Variants in PRRX1 observed in about 807,000 individuals in gnomAD.
The protein encoded by PRRX1 is paired mesoderm homeobox protein 1.
In PRRX1, 8 loss-of-function variants were observed where a neutral mutation model predicts 24.0. That is an observed-to-expected ratio of 0.33 (90% confidence interval 0.20 to 0.60). PRRX1 has a LOEUF of 0.60. Ranked by LOEUF, PRRX1 falls within the 20% of genes least tolerant of loss-of-function variation. The pLI, the probability that PRRX1 is intolerant of heterozygous loss-of-function variation, is 0.82. For synonymous variants in PRRX1, 160 were observed against 131.7 expected, an observed-to-expected ratio of 1.22 and a Z score of -1.47; for missense variants, 281 against 322.4, an observed-to-expected ratio of 0.87 and a Z score of 0.98.
intron 1 of PRRX1, among the ~76,000 whole-genome samples, chr1:170,697,658 A>G (rs1275792357): frequency 6.7e-6 from 1 of 148,456 alleles, no homozygotes; most frequent in African/African-American, 2.4e-5. Context: ...GTATCTGTAA[A>G]TATACATATA....
At chr1:170,733,864 A>C (rs1655520830) in intron 3 of PRRX1, among the ~76,000 whole-genome samples, 1 of 152,116 alleles carries the variant, frequency 6.6e-6, no homozygotes, top group African/African-American at 2.4e-5. Context: ...TGGAACTGTG[A>C]ACTAAATGAT....
chr1:170,699,636 A>G (rs1251955461), intron 1 of PRRX1, among the ~76,000 whole-genome samples: 1 of 152,196 alleles, frequency 6.6e-6, no homozygotes, highest in African/African-American at 2.4e-5. Flanking sequence ...ATGGGCTCAA[A>G]GAAAGATTGG....
At chr1:170,723,114 G>T (rs752785808) in intron 2 of PRRX1, among the ~76,000 whole-genome samples, 2 of 152,156 alleles carry the variant, frequency 1.3e-5, no homozygotes, top group Non-Finnish European at 2.9e-5. Flanking sequence ...AGGCAATAAG[G>T]TGATTGTATT....
chr1:170,730,795 T>C (rs899825948), intron 3 of PRRX1, among the ~76,000 whole-genome samples: 3 of 152,180 alleles, frequency 2.0e-5, no homozygotes, highest in Non-Finnish European at 4.4e-5. Flanking sequence ...ATTGCTCTCT[T>C]ATGCAGCTTT....
intron 1 of PRRX1, among the ~76,000 whole-genome samples, chr1:170,690,224 C>G (rs1558049928): frequency 6.6e-6 from 1 of 151,954 alleles, no homozygotes. Flanking sequence ...TCCGTGCCCC[C>G]TATGAGCTTA....
At chr1:170,692,139 G>A (rs561630916) in intron 1 of PRRX1, among the ~76,000 whole-genome samples, 32 of 152,146 alleles carry the variant, frequency 2.1e-4, no homozygotes, top group African/African-American at 7.7e-4. Context: ...TAATAAAGTT[G>A]TTTTTATCCT....
chr1:170,675,907 T>C (rs1168657785), intron 1 of PRRX1, among the ~76,000 whole-genome samples: 2 of 151,656 alleles, frequency 1.3e-5, no homozygotes, highest in African/African-American at 4.8e-5. Context: ...AGAGAGAGAG[T>C]AAACACCATT....
At chr1:170,666,133 G>A (rs1652919188) in intron 1 of PRRX1, among the ~76,000 whole-genome samples, 1 of 152,186 alleles carries the variant, frequency 6.6e-6, no homozygotes, top group South Asian at 2.1e-4. Context: ...GAAAAATGTA[G>A]GGAGAGTCCA....
intron 1 of PRRX1, among the ~76,000 whole-genome samples, chr1:170,674,476 C>T (rs1268679043): frequency 6.6e-6 from 1 of 152,196 alleles, no homozygotes; most frequent in Non-Finnish European, 1.5e-5. Flanking sequence ...TCTCTGACTA[C>T]TTTATTCCAG....
At chr1:170,670,847 C>T (rs1653119341) in intron 1 of PRRX1, among the ~76,000 whole-genome samples, 1 of 152,090 alleles carries the variant, frequency 6.6e-6, no homozygotes, top group Non-Finnish European at 1.5e-5. Flanking sequence ...TTAGAGGAAT[C>T]TGAGGACAAC....
chr1:170,726,276 C>T lies in PRRX1; in HGVS notation c.474C>T (p.Ala158=), dbSNP rs1655249457. 6.2e-7 allele frequency: 1 copy of T among 1,613,902 alleles called. No individual in the cohort carries two copies. Among genetic ancestry groups the T allele is most frequent in the African/African-American group, 1.3e-5 (1 of 74,880 alleles). Residue 158 remains alanine, a synonymous_variant, in exon 3 of 4, where the codon GCC becomes GCT. Coordinates refer to ENST00000239461, the MANE Select transcript of PRRX1 (RefSeq NM_022716.4). ...KFRRNERAML[A]NKNASLLKSY... ...GCAGGAATGAGAGAGCCATGCTAGC[C>T]AATAAAAACGCTTCCCTCCTCAAAT...
At chr1:170,715,727 G>A (rs1471713560) in intron 1 of PRRX1, among the ~76,000 whole-genome samples, 2 of 152,160 alleles carry the variant, frequency 1.3e-5, no homozygotes, top group Non-Finnish European at 2.9e-5. Flanking sequence ...AAGAACATCT[G>A]GATCAAAATG....
At chr1:170,673,073 G>T (rs1162527495) in intron 1 of PRRX1, among the ~76,000 whole-genome samples, 1 of 152,056 alleles carries the variant, frequency 6.6e-6, no homozygotes, top group Non-Finnish European at 1.5e-5. Context: ...TTTCTTTTCT[G>T]CTAATTCATT....
At chr1:170,674,208 A>G (rs560689609) in intron 1 of PRRX1, among the ~76,000 whole-genome samples, 5 of 152,272 alleles carry the variant, frequency 3.3e-5, no homozygotes, top group Admixed American at 3.3e-4. Context: ...TCTCTGTCAC[A>G]CACACACACG....
At chr1:170,734,189 G>C (rs1655529691) in intron 3 of PRRX1, among the ~76,000 whole-genome samples, 1 of 151,110 alleles carries the variant, frequency 6.6e-6, no homozygotes, top group Admixed American at 6.6e-5. Context: ...TGGCAGTAAG[G>C]ACCAGTTCCT....
At chr1:170,664,810 G>A (rs985982795) in intron 1 of PRRX1, among the ~76,000 whole-genome samples, 2 of 152,242 alleles carry the variant, frequency 1.3e-5, no homozygotes, top group African/African-American at 4.8e-5. Context: ...GCTGGGAAAA[G>A]GTCTTAGCGG....
At chr1:170,700,404 A>G (rs1167715333) in intron 1 of PRRX1, among the ~76,000 whole-genome samples, 1 of 152,176 alleles carries the variant, frequency 6.6e-6, no homozygotes, top group Non-Finnish European at 1.5e-5. Context: ...TCCATACATT[A>G]AAAAATGACA....
chr1:170,716,730 C>T (rs749760838), intron 1 of PRRX1, among the ~76,000 whole-genome samples: 1 of 152,174 alleles, frequency 6.6e-6, no homozygotes, highest in Non-Finnish European at 1.5e-5. Context: ...TCAAAATCAA[C>T]TTTCACTGTA....
intron 2 of PRRX1, among the ~76,000 whole-genome samples, chr1:170,720,526 A>G (rs1365788102): frequency 6.6e-6 from 1 of 152,106 alleles, no homozygotes; most frequent in Non-Finnish European, 1.5e-5. Flanking sequence ...TGTGATATAC[A>G]TTGTCCATCT....
Sources: gnomAD v4.1 joint callset for allele counts (sites outside exome capture counted in the v4.1 genomes callset) on GRCh38, gnomAD v4.1.1 for gene constraint, MANE v1.5 for transcripts, NCBI Gene and HGNC (gene_info 2026-07-23, HGNC 2026-07-21) for gene names.